DPF3: variants seen among roughly 807,000 people sequenced by gnomAD.
DPF3 encodes the protein zinc finger protein DPF3.
In DPF3, 18 loss-of-function variants were observed where a neutral mutation model predicts 56.8. The observed-to-expected ratio is 0.32, with a 90% confidence interval of 0.22 to 0.47. The LOEUF is 0.47. Ranked by LOEUF, DPF3 falls within the 20% of genes least tolerant of loss-of-function variation. The pLI, the probability that DPF3 is intolerant of heterozygous loss-of-function variation, is 1.00. For missense variants in DPF3, 403 were observed against 488.8 expected, an observed-to-expected ratio of 0.82 and a Z score of 1.65; for synonymous variants, 188 against 180.2, an observed-to-expected ratio of 1.04 and a Z score of -0.35.
chr14:72,728,443 G>C (rs1889500127), intron 4 of DPF3, among the ~76,000 whole-genome samples: 1 of 152,190 alleles, frequency 6.6e-6, no homozygotes, highest in African/African-American at 2.4e-5. Flanking sequence ...GAAGAACAGA[G>C]CGGCGAAAGG....
intron 7 of DPF3, among the ~76,000 whole-genome samples, chr14:72,686,149 A>G (rs2153572169): frequency 6.6e-6 from 1 of 152,362 alleles, no homozygotes; most frequent in South Asian, 2.1e-4. Flanking sequence ...AGCCAAGGAT[A>G]TGCCAGGGCC....
chr14:72,850,797 G>A (rs1026451998), intron 1 of DPF3, among the ~76,000 whole-genome samples: 8 of 134,746 alleles, frequency 5.9e-5, no homozygotes, highest in African/African-American at 2.1e-4. Flanking sequence ...GGGCGTGTGT[G>A]CATGTGTGCA....
Position 72,866,133 on chromosome 14 carries a change from G to A in DPF3, c.32+27924C>T, listed in dbSNP as rs148642657. ...CCACTTTGTATGAGATGGGCTTGCCGGCTTGTTGATTTGATGGTAATTTAG... is the reference window on the plus strand; with the variant it reads ...CCACTTTGTATGAGATGGGCTTGCCAGCTTGTTGATTTGATGGTAATTTAG... On this transcript the variant is annotated intron_variant, in intron 1 of 10. Transcript: ENST00000556509. Among the ~76,000 whole-genome samples, 635 of 152,236 alleles carry A rather than the reference G, an allele frequency of 4.2e-3. 5 individuals carry two copies. Among genetic ancestry groups the A allele is most frequent in the African/African-American group, 0.014 (589 of 41,534 alleles).
intron 1 of DPF3, among the ~76,000 whole-genome samples, chr14:72,819,208 G>A (rs1883422073): frequency 6.6e-6 from 1 of 152,242 alleles, no homozygotes; most frequent in Non-Finnish European, 1.5e-5. Context: ...ACCTGCTGGT[G>A]AGAATATATA....
chr14:72,883,524 T>A (rs1886396486), intron 1 of DPF3, among the ~76,000 whole-genome samples: 1 of 151,872 alleles, frequency 6.6e-6, no homozygotes, highest in Non-Finnish European at 1.5e-5. Context: ...ATAAAGAAAG[T>A]TGTAGCTTTG....
At position 72,846,021 on chromosome 14, in the gene DPF3, A is replaced by G. The variant is rs1429434275; in HGVS notation, c.32+48036T>C. ...GTAAAATTCTCCCCAGCTCCCTAGG[A>G]GGTCTCACTGCCCACCACCCCTTTA... is the stretch of plus-strand genomic sequence containing the variant. On this transcript the variant is annotated intron_variant, in intron 1 of 10. Coordinates refer to ENST00000556509, the MANE Select transcript of DPF3 (RefSeq NM_001280542.3). Among the ~76,000 whole-genome samples the G allele has an allele frequency of 7.2e-5, 11 of 152,250 alleles. 1 individual carries two copies. The East Asian group carries it at 2.1e-3, about 29-fold the overall frequency.
At chr14:72,866,792 G>A (rs945226376) in intron 1 of DPF3, among the ~76,000 whole-genome samples, 1 of 150,638 alleles carries the variant, frequency 6.6e-6, no homozygotes, top group Admixed American at 6.6e-5. Context: ...GGAGGTGGAT[G>A]TTGCAGTGAG....
At chr14:72,793,885 T>C (rs1599446907) in intron 1 of DPF3, among the ~76,000 whole-genome samples, 1 of 152,346 alleles carries the variant, frequency 6.6e-6, no homozygotes, top group East Asian at 1.9e-4. Flanking sequence ...CCAGCTGGGT[T>C]CTCTGGCCAC....
chr14:72,816,664 T>G (rs1883303216), intron 1 of DPF3, among the ~76,000 whole-genome samples: 3 of 151,532 alleles, frequency 2.0e-5, no homozygotes, highest in African/African-American at 7.3e-5. Context: ...GGAAGTAGTA[T>G]GTAAAAGCAC....
At chr14:72,624,077 AT>A (rs1256929436) in intron 9 of DPF3, among the ~76,000 whole-genome samples, 1 of 152,186 alleles carries the variant, frequency 6.6e-6, no homozygotes, top group African/African-American at 2.4e-5. Flanking sequence ...TCATAAACAT[AT>A]TTTTTAAAAC....
At chr14:72,833,013 A>G (rs1003514966) in intron 1 of DPF3, among the ~76,000 whole-genome samples, 2 of 152,268 alleles carry the variant, frequency 1.3e-5, no homozygotes, top group African/African-American at 2.4e-5. Context: ...TCATACACCC[A>G]ACAAAGGAGT....
chr14:72,671,026 G>C (rs2153570348), intron 8 of DPF3: 1 of 1,491,892 alleles, frequency 6.7e-7, no homozygotes, highest in Middle Eastern at 2.3e-4. Context: ...AGCAAGGATA[G>C]AGGGAAAATC....
At chr14:72,809,204 A>G (rs994189086) in intron 1 of DPF3, among the ~76,000 whole-genome samples, 3 of 152,256 alleles carry the variant, frequency 2.0e-5, no homozygotes, top group Non-Finnish European at 2.9e-5. Context: ...TGAACTTCTC[A>G]GCCTGCAGAA....
chr14:72,875,604 A>T (rs1599517326), intron 1 of DPF3, among the ~76,000 whole-genome samples: 1 of 152,152 alleles, frequency 6.6e-6, no homozygotes, highest in Non-Finnish European at 1.5e-5. Flanking sequence ...CAGAGGCTGC[A>T]CCCAAGCCGT....
intron 3 of DPF3, among the ~76,000 whole-genome samples, chr14:72,736,015 T>A (rs893098341): frequency 1.1e-4 from 16 of 152,248 alleles, no homozygotes; most frequent in African/African-American, 3.9e-4. Context: ...AAATGCTAGA[T>A]GTTATTCCCT....
intron 1 of DPF3, among the ~76,000 whole-genome samples, chr14:72,862,927 C>T (rs1329042229): frequency 6.6e-6 from 1 of 151,862 alleles, no homozygotes; most frequent in Non-Finnish European, 1.5e-5. Flanking sequence ...TGTCTAGCAC[C>T]CAGAATAGTG....
intron 1 of DPF3, among the ~76,000 whole-genome samples, chr14:72,831,603 G>A (rs953996572): frequency 6.6e-6 from 1 of 152,160 alleles, no homozygotes; most frequent in African/African-American, 2.4e-5. Context: ...AGAGGGGGAA[G>A]GAACTTGTTC....
chr14:72,892,598 G>A lies in DPF3; in HGVS notation c.32+1459C>T, dbSNP rs978424735. On this transcript the variant is annotated intron_variant, in intron 1 of 10. Transcript: ENST00000556509. ...CGTTAGGAACCCCCTACCGTCCCCG[G>A]GAGCGAACCTGGTTTTCAACTCCAG... The A allele has an allele frequency of 7.3e-6, 9 of 1,238,742 alleles. No individual in the cohort carries two copies. In the African/African-American group the frequency reaches 1.4e-4, roughly 19 times the overall value. The allele number at this position is 1,238,742 out of a possible 1,614,324, so 76.7% of individuals were successfully genotyped here.
At chr14:72,888,022 C>A (rs1466067869) in intron 1 of DPF3, among the ~76,000 whole-genome samples, 4 of 152,116 alleles carry the variant, frequency 2.6e-5, no homozygotes, top group Non-Finnish European at 5.9e-5. Flanking sequence ...TCCCCAGATT[C>A]AGAGAGGGAG....
Sources: allele counts gnomAD v4.1 joint callset (sites outside exome capture counted in the v4.1 genomes callset), GRCh38; gene constraint gnomAD v4.1.1; transcripts MANE v1.5; gene names NCBI Gene and HGNC (gene_info 2026-07-23, HGNC 2026-07-21).